ANKRD30BL: variants seen among roughly 807,000 people sequenced by gnomAD.
ANKRD30BL encodes ankyrin repeat domain 30B like.
ANKRD30BL carries 20 observed loss-of-function variants against 18.4 expected under a neutral mutation model. That is an observed-to-expected ratio of 1.09 (90% CI 0.77 to 1.58). The LOEUF (loss-of-function observed/expected upper bound fraction) is 1.58. Ranked by LOEUF, ANKRD30BL falls within the 40% of genes most tolerant of loss-of-function variation. The probability of loss-of-function intolerance (pLI) is 0.00; values close to 1 mark genes in which losing one functional copy is unlikely to be tolerated. For synonymous variants in ANKRD30BL, 72 were observed against 100.9 expected, an observed-to-expected ratio of 0.71 and a Z score of 1.72; for missense variants, 224 against 268.6, an observed-to-expected ratio of 0.83 and a Z score of 1.16.
chr2:132,175,810 G>T (rs552446433), intron 1 of ANKRD30BL, among the ~76,000 whole-genome samples: 18 of 152,234 alleles, frequency 1.2e-4, no homozygotes, highest in Non-Finnish European at 2.4e-4. Context: ...TGTTAACAAG[G>T]CACATCCTGC....
At chr2:132,183,601 G>T (rs1168542269) in intron 1 of ANKRD30BL, among the ~76,000 whole-genome samples, 1 of 152,080 alleles carries the variant, frequency 6.6e-6, no homozygotes, top group Non-Finnish European at 1.5e-5. Flanking sequence ...CCAAGAAAAT[G>T]GTAGGGTGGG....
intron 1 of ANKRD30BL, among the ~76,000 whole-genome samples, chr2:132,231,994 T>G (rs375362564): frequency 1.3e-5 from 2 of 152,180 alleles, no homozygotes; most frequent in African/African-American, 2.4e-5. Context: ...ATCTGAGAAC[T>G]GGCAGACTGC....
At chr2:132,208,305 T>A (rs1034305589) in intron 1 of ANKRD30BL, among the ~76,000 whole-genome samples, 3 of 152,158 alleles carry the variant, frequency 2.0e-5, no homozygotes, top group Non-Finnish European at 4.4e-5. Flanking sequence ...AGTTTTCCTT[T>A]CCCTATCCCT....
At chr2:132,232,746 G>A (rs1680058102) in intron 1 of ANKRD30BL, among the ~76,000 whole-genome samples, 1 of 152,186 alleles carries the variant, frequency 6.6e-6, no homozygotes, top group Non-Finnish European at 1.5e-5. Flanking sequence ...AGGGACCCAA[G>A]TTGGAAAACA....
intron 1 of ANKRD30BL, among the ~76,000 whole-genome samples, chr2:132,204,349 T>C (rs1679167529): frequency 6.6e-6 from 1 of 152,044 alleles, no homozygotes; most frequent in Non-Finnish European, 1.5e-5. Context: ...TGATGGGACA[T>C]AAGTAAACAA....
intron 1 of ANKRD30BL, among the ~76,000 whole-genome samples, chr2:132,174,857 A>G (rs1421482553): frequency 6.6e-6 from 1 of 152,194 alleles, no homozygotes; most frequent in African/African-American, 2.4e-5. Flanking sequence ...CTTGCTTGCT[A>G]TGGGCTTTTT....
intron 1 of ANKRD30BL, among the ~76,000 whole-genome samples, chr2:132,168,422 T>C (rs1334893871): frequency 6.6e-6 from 1 of 152,182 alleles, no homozygotes; most frequent in Non-Finnish European, 1.5e-5. Context: ...TATTCATCCT[T>C]ACAAAAGAAA....
In ANKRD30BL at chr2:132,178,628, G is replaced by GT. The variant is rs61018774; in HGVS notation, n.442-21483dup. Among the ~76,000 whole-genome samples, 985 of 150,112 alleles carry GT rather than the reference G, an allele frequency of 6.6e-3. 10 individuals are homozygous for GT. Among genetic ancestry groups the GT allele is most frequent in the African/African-American group, 0.021 (863 of 40,978 alleles). On this transcript the variant is annotated intron_variant and non_coding_transcript_variant, in intron 1 of 4. Coordinates refer to the ANKRD30BL transcript ENST00000470729. ...TTCTAGACCAAGAAGATATTTTTAT[G>GT]TTTTTTTTTTGAGCAGACAAGTGAC...
chr2:132,154,728 CTTCTT>C lies in ANKRD30BL; in HGVS notation c.543_547del (p.Arg182Ter), dbSNP rs889806662. The C allele has an allele frequency of 6.8e-6, 5 of 732,122 alleles. No individual in the cohort carries two copies. Among genetic ancestry groups the C allele is most frequent in the Admixed American group, 5.7e-5 (3 of 52,748 alleles). The allele number at this position is 732,122 out of a possible 1,614,324, so 45.4% of individuals were successfully genotyped here. A position where few individuals can be genotyped will look rare whatever the true frequency, so the allele number is the denominator to read the frequency against. On this transcript the variant is annotated frameshift_variant, in exon 4 of 6. Transcript: ENST00000409867. LOFTEE classifies it high-confidence loss of function. ...CAGTAAAAATTCCACAATTTCCTCA[CTTCTT>C]TTCCTTATGGCCAGTAAAAGTGGTG...
At chr2:132,227,208 C>T (rs1329762398) in intron 1 of ANKRD30BL, among the ~76,000 whole-genome samples, 2 of 152,076 alleles carry the variant, frequency 1.3e-5, no homozygotes, top group Non-Finnish European at 2.9e-5. Flanking sequence ...GGAATATCTT[C>T]ACATAAATAC....
At chr2:132,202,909 G>A (rs1471745267) in intron 1 of ANKRD30BL, among the ~76,000 whole-genome samples, 1 of 152,164 alleles carries the variant, frequency 6.6e-6, no homozygotes, top group African/African-American at 2.4e-5. Flanking sequence ...ACAGGGCATA[G>A]AGAAATTAAA....
chr2:132,216,125 T>C (rs866671821), intron 1 of ANKRD30BL, among the ~76,000 whole-genome samples: 1 of 152,038 alleles, frequency 6.6e-6, no homozygotes, highest in Admixed American at 6.6e-5. Flanking sequence ...ACTCTTTTTG[T>C]AGAATCTGCA....
chr2:132,256,258 G>A (rs764211845), intron 1 of ANKRD30BL, among the ~76,000 whole-genome samples: 6 of 151,316 alleles, frequency 4.0e-5, no homozygotes, highest in Non-Finnish European at 8.8e-5. Flanking sequence ...GAGATTGGGC[G>A]CGGCAGGGCG....
intron 1 of ANKRD30BL, among the ~76,000 whole-genome samples, chr2:132,194,190 GTT>G (rs1678918455): frequency 6.6e-6 from 1 of 152,166 alleles, no homozygotes; most frequent in Non-Finnish European, 1.5e-5. Context: ...ATGGGCTAGA[GTT>G]GGTCTCATTA....
chr2:132,232,440 A>C (rs1409286465), intron 1 of ANKRD30BL, among the ~76,000 whole-genome samples: 1 of 152,188 alleles, frequency 6.6e-6, no homozygotes, highest in Non-Finnish European at 1.5e-5. Flanking sequence ...ACTTTGAAAA[A>C]AATTTAGAAG....
chr2:132,208,790 G>A (rs975108859), intron 1 of ANKRD30BL, among the ~76,000 whole-genome samples: 233 of 151,546 alleles, frequency 1.5e-3, no homozygotes, highest in African/African-American at 5.3e-3. Flanking sequence ...CCCTCACACA[G>A]GATTACAGAA....
Position 132,148,413 on chromosome 2 carries a change from C to T in ANKRD30BL, c.680-185G>A, listed in dbSNP as rs371296272. On this transcript the variant is annotated intron_variant, in intron 5 of 5. Transcript: ENST00000409867. ...CAAGAGCCTCGCTCTGTTGCCCAGG[C>T]TGGAGTGCAGTGGCACGATCTCAGC... 5.6e-4 allele frequency among the ~76,000 whole-genome samples: 67 copies of T among 119,974 alleles called. 1 individual carries two copies. In the East Asian group the frequency reaches 0.018, roughly 33 times the overall value. The allele number at this position is 119,974 out of a possible 152,430, so 78.7% of individuals were successfully genotyped here.
At chr2:132,152,155 A>T (rs1229961391) in intron 4 of ANKRD30BL, 2 of 152,254 alleles carry the variant, frequency 1.3e-5, no homozygotes, top group Non-Finnish European at 2.9e-5. Context: ...TCACAATTGC[A>T]ATACTGGGTG....
intron 1 of ANKRD30BL, among the ~76,000 whole-genome samples, chr2:132,176,590 G>A (rs544786530): frequency 1.3e-5 from 2 of 151,950 alleles, no homozygotes; most frequent in African/African-American, 2.4e-5. Context: ...CAGCCTGGGC[G>A]ATAGAGCAAG....
Sources: gnomAD v4.1 joint callset for allele counts (sites outside exome capture counted in the v4.1 genomes callset) on GRCh38, gnomAD v4.1.1 for gene constraint, MANE v1.5 for transcripts, NCBI Gene and HGNC (gene_info 2026-07-23, HGNC 2026-07-21) for gene names.